The following LRMDA variants were observed in gnomAD, a reference collection of about 807,000 sequenced individuals.
The protein encoded by LRMDA is leucine rich melanocyte differentiation associated.
A neutral mutation model predicts 29.8 loss-of-function variants in LRMDA; 18 were observed. The observed-to-expected ratio is 0.60, with a 90% confidence interval of 0.42 to 0.90. The LOEUF is 0.90. Among genes scored for constraint, LRMDA ranks in the 40% least tolerant of loss-of-function variants. The pLI is 0.00. For missense variants in LRMDA, 273 were observed against 273.9 expected, an observed-to-expected ratio of 1.00 and a Z score of 0.02; for synonymous variants, 125 against 109.4, an observed-to-expected ratio of 1.14 and a Z score of -0.89.
At chr10:75,782,615 C>T (rs1797922153) in intron 2 of LRMDA, 1 of 595,334 alleles carries the variant, frequency 1.7e-6, no homozygotes, top group African/African-American at 2.0e-5. Context: ...AGATGTTTTT[C>T]CCTTGGGTTG....
At chr10:76,120,879 C>A (rs1378123558) in intron 5 of LRMDA, among the ~76,000 whole-genome samples, 2 of 149,364 alleles carry the variant, frequency 1.3e-5, no homozygotes, top group African/African-American at 5.0e-5. Context: ...GTCATCCAGG[C>A]TGGAGTGCAG....
At chr10:76,040,210 A>T (rs1306237857) in intron 3 of LRMDA, among the ~76,000 whole-genome samples, 1 of 152,156 alleles carries the variant, frequency 6.6e-6, no homozygotes. Context: ...AGGAGTCAGC[A>T]TCCTGAGCCT....
At chr10:76,478,448 G>A (rs1842701269) in intron 6 of LRMDA, among the ~76,000 whole-genome samples, 1 of 152,146 alleles carries the variant, frequency 6.6e-6, no homozygotes, top group African/African-American at 2.4e-5. Context: ...CACTGTTGAT[G>A]GGACTGTAAA....
At chr10:75,747,799 T>C (rs1481698842) in intron 2 of LRMDA, among the ~76,000 whole-genome samples, 1 of 151,476 alleles carries the variant, frequency 6.6e-6, no homozygotes, top group Non-Finnish European at 1.5e-5. Flanking sequence ...GTGTAGATGG[T>C]AGGTTTTCAG....
intron 2 of LRMDA, among the ~76,000 whole-genome samples, chr10:75,678,838 A>G (rs988216212): frequency 1.6e-4 from 24 of 152,154 alleles, no homozygotes; most frequent in African/African-American, 5.6e-4. Context: ...CATTTCTTTA[A>G]TGTACAAGTG....
chr10:76,478,809 A>G (rs1175449933), intron 6 of LRMDA, among the ~76,000 whole-genome samples: 1 of 151,602 alleles, frequency 6.6e-6, no homozygotes, highest in African/African-American at 2.4e-5. Context: ...AAAAAAACAA[A>G]CACTGCATGT....
At chr10:75,728,561 T>C (rs1294931547) in intron 2 of LRMDA, among the ~76,000 whole-genome samples, 2 of 151,726 alleles carry the variant, frequency 1.3e-5, no homozygotes, top group Non-Finnish European at 2.9e-5. Flanking sequence ...GAAACTTGAA[T>C]GAATGGTGGA....
At chr10:76,179,359 A>C (rs1373035196) in intron 5 of LRMDA, among the ~76,000 whole-genome samples, 1 of 151,816 alleles carries the variant, frequency 6.6e-6, no homozygotes, top group Non-Finnish European at 1.5e-5. Context: ...TAATTCTCAA[A>C]CTGAACAGAT....
intron 2 of LRMDA, among the ~76,000 whole-genome samples, chr10:75,523,595 G>A (rs1223460186): frequency 6.6e-6 from 1 of 152,138 alleles, no homozygotes; most frequent in Non-Finnish European, 1.5e-5. Flanking sequence ...TAACAGAAAT[G>A]GCTATTTAAT....
At chr10:76,103,153 T>C (rs986710832) in intron 5 of LRMDA, among the ~76,000 whole-genome samples, 1 of 152,238 alleles carries the variant, frequency 6.6e-6, no homozygotes, top group African/African-American at 2.4e-5. Flanking sequence ...AAGGAAGTCA[T>C]CTTTCTACTA....
intron 5 of LRMDA, among the ~76,000 whole-genome samples, chr10:76,072,292 C>T (rs1478847759): frequency 6.6e-6 from 1 of 152,134 alleles, no homozygotes. Flanking sequence ...TCCCTCTCCA[C>T]CACTTAAAGG....
intron 2 of LRMDA, among the ~76,000 whole-genome samples, chr10:75,484,353 GATATC>G (rs1190703294): frequency 3.3e-5 from 5 of 152,098 alleles, no homozygotes; most frequent in Non-Finnish European, 5.9e-5. Context: ...CCTTAGTAGT[GATATC>G]ACTACTTAGC....
In LRMDA at chr10:75,994,620, C is replaced by T. The variant is rs75948762; in HGVS notation, c.132-41388C>T. Among the ~76,000 whole-genome samples the T allele has an allele frequency of 5.9e-5, 9 of 152,296 alleles. No individual in the cohort carries two copies. The East Asian group carries it at 1.7e-3, about 29-fold the overall frequency. ...TTGGACTAAGAGACAGAAAGAAAAT[C>T]GCGCTCACCTCTGGAAAGACCAAGT... On this transcript the variant is annotated intron_variant, in intron 2 of 6. Coordinates refer to ENST00000611255, the MANE Select transcript of LRMDA (RefSeq NM_001305581.2).
chr10:76,237,452 G>A (rs1852172758), intron 5 of LRMDA, among the ~76,000 whole-genome samples: 1 of 152,164 alleles, frequency 6.6e-6, no homozygotes, highest in African/African-American at 2.4e-5. Context: ...TCAGTAATCA[G>A]TGATAAGATG....
intron 6 of LRMDA, among the ~76,000 whole-genome samples, chr10:76,362,971 G>T (rs12766217): frequency 0.57 from 86,217 of 150,400 alleles, 29,233 homozygotes; most frequent in Non-Finnish European, 0.79. Flanking sequence ...TATCATTAGG[G>T]TGGGGATTAA....
At chr10:75,699,726 G>C (rs551836139) in intron 2 of LRMDA, among the ~76,000 whole-genome samples, 1 of 152,250 alleles carries the variant, frequency 6.6e-6, no homozygotes, top group Non-Finnish European at 1.5e-5. Context: ...GCATGTTGTC[G>C]CAATCCCTGG....
At chr10:75,889,220 C>T (rs1845442405) in intron 2 of LRMDA, among the ~76,000 whole-genome samples, 1 of 152,170 alleles carries the variant, frequency 6.6e-6, no homozygotes, top group Admixed American at 6.5e-5. Context: ...GAAATGTTAG[C>T]AAGTGATGTA....
rs369401466 is a variant in LRMDA at position 75,898,150 on chromosome 10, A to G, written c.132-137858A>G. On this transcript the variant is annotated intron_variant, in intron 2 of 6. Coordinates refer to ENST00000611255, the MANE Select transcript of LRMDA (RefSeq NM_001305581.2). ...TCCTACTACTTTTTAAAGCAAATAT[A>G]TTCCATTTGATCTTGGACCATGATA... is the stretch of plus-strand genomic sequence containing the variant. 1.3e-3 allele frequency among the ~76,000 whole-genome samples: 194 copies of G among 152,244 alleles called. 1 individual carries two copies. The highest frequency in any genetic ancestry group is 4.5e-3 in the African/African-American group (187 of 41,532).
intron 2 of LRMDA, among the ~76,000 whole-genome samples, chr10:75,715,187 C>T (rs574276947): frequency 7.9e-5 from 12 of 152,264 alleles, no homozygotes; most frequent in East Asian, 7.7e-4. Context: ...TATTCTCTTA[C>T]GGTCAATATG....
Sources: allele counts gnomAD v4.1 joint callset (sites outside exome capture counted in the v4.1 genomes callset), GRCh38; gene constraint gnomAD v4.1.1; transcripts MANE v1.5; gene names NCBI Gene and HGNC (gene_info 2026-07-23, HGNC 2026-07-21).